The following TENT4B variants were observed in gnomAD, a reference collection of about 807,000 sequenced individuals.
TENT4B encodes the protein PAP associated domain containing 5.
In TENT4B, 10 loss-of-function variants were observed where a neutral mutation model predicts 75.0. That is an observed-to-expected ratio of 0.13 (90% CI 0.08 to 0.23). TENT4B has a LOEUF of 0.23. Among genes scored for constraint, TENT4B ranks in the 10% least tolerant of loss-of-function variants. The pLI is 1.00. For missense variants in TENT4B, 579 were observed against 893.8 expected (o/e 0.65, Z 4.49); for synonymous variants, 350 against 357.7 (o/e 0.98, Z 0.24).
chr16:50,170,221 A>G (rs2038179917), intron 1 of TENT4B, among the ~76,000 whole-genome samples: 2 of 151,384 alleles, frequency 1.3e-5, no homozygotes, highest in African/African-American at 2.4e-5. Context: ...GGGTTTCACT[A>G]TGTTGGCCAG....
intron 1 of TENT4B, among the ~76,000 whole-genome samples, chr16:50,165,033 GAC>G (rs2038072585): frequency 6.6e-6 from 1 of 150,602 alleles, no homozygotes; most frequent in Non-Finnish European, 1.5e-5. Context: ...CAGCCTGGGT[GAC>G]AGAGCGAGAC....
rs1164333016 is a variant in TENT4B at position 50,153,500 on chromosome 16, C to T, written c.-122C>T. The T allele has an allele frequency of 2.1e-6, 2 of 974,388 alleles. No individual in the cohort carries two copies. The highest frequency in any genetic ancestry group is 2.4e-6 in the Non-Finnish European group (2 of 824,328). 60.4% of individuals were successfully genotyped at this position (974,388 alleles called of 1,614,324 possible). A position where few individuals can be genotyped will look rare whatever the true frequency, so the allele number is the denominator to read the frequency against. The stretch of plus-strand genomic sequence containing the variant: ...CGCGGCGGGCCCCGAGCAGCAGCAG[C>T]AGCAGCAGCGGCAGCAGCGGCAGCA... On this transcript the variant is annotated 5_prime_UTR_variant, in exon 1 of 12. Transcript: ENST00000561678.
Position 50,229,133 on chromosome 16 carries a change from T to A in TENT4B, c.1966-19T>A. The A allele has an allele frequency of 6.2e-7, 1 of 1,610,956 alleles. No homozygotes were observed. The highest frequency in any genetic ancestry group is 8.5e-7 in the Non-Finnish European group (1 of 1,179,044). On this transcript the variant is annotated intron_variant, in intron 11 of 11. Coordinates refer to ENST00000561678, the MANE Select transcript of TENT4B (RefSeq NM_001365324.3). ...TTCTGCAATACTGATGTCTTTGTGGTCGTTTTCTGTTTCTGCAGCATGGAT... is the reference window on the plus strand; with the variant it reads ...TTCTGCAATACTGATGTCTTTGTGGACGTTTTCTGTTTCTGCAGCATGGAT...
In TENT4B at chr16:50,233,619, AAT is replaced by A. The variant is rs1436765798; in HGVS notation, c.*4294_*4295del. 2 of 983,830 alleles carry A rather than the reference AAT, an allele frequency of 2.0e-6. No homozygotes were observed. Among genetic ancestry groups the A allele is most frequent in the African/African-American group, 1.7e-5 (1 of 57,208 alleles). The allele number at this position is 983,830 out of a possible 1,614,324, so 60.9% of individuals were successfully genotyped here. A position where few individuals can be genotyped will look rare whatever the true frequency, so the allele number is the denominator to read the frequency against. On this transcript the variant is annotated 3_prime_UTR_variant, in exon 12 of 12. Coordinates refer to ENST00000561678, the MANE Select transcript of TENT4B (RefSeq NM_001365324.3). ...CTGATCTATTTGATACCTAGAATTA[AAT>A]ATTTGAGGACAGTTTTTAGTTAATA...
chr16:50,233,644 A>G lies in TENT4B; in HGVS notation c.*4316A>G. Reference sequence around the variant, plus strand: ...AATATTTGAGGACAGTTTTTAGTTAATAAACTGCTAATGTTTATTTTACTG... The same window carrying G: ...AATATTTGAGGACAGTTTTTAGTTAGTAAACTGCTAATGTTTATTTTACTG... On this transcript the variant is annotated 3_prime_UTR_variant, in exon 12 of 12. Transcript: ENST00000561678. 1.0e-6 allele frequency: 1 copy of G among 983,996 alleles called. No individual in the cohort carries two copies. The highest frequency in any genetic ancestry group is 4.7e-5 in the South Asian group (1 of 21,272). 61.0% of individuals were successfully genotyped at this position (983,996 alleles called of 1,614,324 possible).
chr16:50,199,567 T>A (rs1205916934), intron 1 of TENT4B, among the ~76,000 whole-genome samples: 3 of 152,226 alleles, frequency 2.0e-5, no homozygotes, highest in Non-Finnish European at 4.4e-5. Context: ...CTGATCTGTT[T>A]ACTGTCTCCA....
intron 1 of TENT4B, among the ~76,000 whole-genome samples, chr16:50,180,814 G>C (rs1019724157): frequency 6.6e-6 from 1 of 152,122 alleles, no homozygotes; most frequent in African/African-American, 2.4e-5. Flanking sequence ...AATCCCTCAA[G>C]AAGGGGCAGT....
chr16:50,153,243 G>A (rs1351292563), upstream of TENT4B, among the ~76,000 whole-genome samples: 2 of 145,370 alleles, frequency 1.4e-5, no homozygotes, highest in Non-Finnish European at 3.1e-5. Context: ...CGGGGCCGGA[G>A]GAGCGAGGAC....
At chr16:50,189,112 A>G (rs1173407188) in intron 1 of TENT4B, among the ~76,000 whole-genome samples, 1 of 152,188 alleles carries the variant, frequency 6.6e-6, no homozygotes, top group South Asian at 2.1e-4. Context: ...TATTGCTTGT[A>G]GGAAGGCTGT....
intron 1 of TENT4B, among the ~76,000 whole-genome samples, chr16:50,190,105 A>G (rs2038612779): frequency 6.6e-6 from 1 of 151,318 alleles, no homozygotes; most frequent in South Asian, 2.1e-4. Context: ...AAAGAAAAGA[A>G]AAGAAAGAAA....
At position 50,153,394 on chromosome 16, in the gene TENT4B, G is replaced by T. The variant is rs920528872; in HGVS notation, c.-228G>T. ...GCGGAGGGGCGGAGGGGCGGAGGGA[G>T]GGGGGGAGGGCCCGCGGAGCCCCCG... On this transcript the variant is annotated 5_prime_UTR_variant, in exon 1 of 12. The change creates a new upstream start codon in the 5' untranslated region. Coordinates refer to ENST00000561678, the MANE Select transcript of TENT4B (RefSeq NM_001365324.3). 6.8e-6 allele frequency among the ~76,000 whole-genome samples: 1 copy of T among 146,116 alleles called. No individual in the cohort carries two copies. Among genetic ancestry groups the T allele is most frequent in the Non-Finnish European group, 1.5e-5 (1 of 65,610 alleles).
intron 1 of TENT4B, among the ~76,000 whole-genome samples, chr16:50,183,854 G>A (rs1326928523): frequency 1.3e-5 from 2 of 152,094 alleles, no homozygotes; most frequent in Non-Finnish European, 2.9e-5. Flanking sequence ...AGACCAGCCT[G>A]GCCAACATGG....
chr16:50,190,895 G>A (rs904423710), intron 1 of TENT4B, among the ~76,000 whole-genome samples: 2 of 151,874 alleles, frequency 1.3e-5, no homozygotes, highest in Non-Finnish European at 2.9e-5. Context: ...GGCAGCCACC[G>A]TTCTACATTT....
At chr16:50,218,041 G>A (rs1223645902) in intron 5 of TENT4B, among the ~76,000 whole-genome samples, 1 of 151,776 alleles carries the variant, frequency 6.6e-6, no homozygotes, top group African/African-American at 2.4e-5. Flanking sequence ...ACAGGCATGA[G>A]CCACCATGCT....
chr16:50,153,062 A>C, upstream of TENT4B: 2 of 1,463,336 alleles, frequency 1.4e-6, no homozygotes, highest in Non-Finnish European at 9.0e-7. Context: ...AGATGGCGCA[A>C]GTACGGTTGG....
intron 2 of TENT4B, among the ~76,000 whole-genome samples, chr16:50,212,486 C>T (rs1455923506): frequency 2.0e-5 from 3 of 152,168 alleles, no homozygotes; most frequent in African/African-American, 7.2e-5. Context: ...TGTAGCTTTT[C>T]TTCAGGCACT....
Position 50,232,274 on chromosome 16 carries a change from G to A in TENT4B, c.*2946G>A. The A allele has an allele frequency of 1.0e-6, 1 of 985,356 alleles. No homozygotes were observed. The highest frequency in any genetic ancestry group is 1.2e-6 in the Non-Finnish European group (1 of 829,902). The allele number at this position is 985,356 out of a possible 1,614,324, so 61.0% of individuals were successfully genotyped here. A position where few individuals can be genotyped will look rare whatever the true frequency, so the allele number is the denominator to read the frequency against. On this transcript the variant is annotated 3_prime_UTR_variant, in exon 12 of 12. Transcript: ENST00000561678. ...CGCACTCAGTTTTCAAATCTAGCTT[G>A]GATCTGTAGGACCTATGTTTTTTAC... is the stretch of plus-strand genomic sequence containing the variant.
Position 50,229,856 on chromosome 16 carries a change from A to G in TENT4B, c.*528A>G. 1 of 902,818 alleles carries G rather than the reference A, an allele frequency of 1.1e-6. No individual in the cohort carries two copies. The highest frequency in any genetic ancestry group is 1.3e-6 in the Non-Finnish European group (1 of 754,678). 55.9% of individuals were successfully genotyped at this position (902,818 alleles called of 1,614,324 possible). The stretch of plus-strand genomic sequence containing the variant: ...ATATAGAAGACCATATAGGAGATTG[A>G]TATTTGTAATAGTGGATTTGTTAAT... On this transcript the variant is annotated 3_prime_UTR_variant, in exon 12 of 12. Transcript: ENST00000561678.
chr16:50,166,090 T>G (rs2150675335), intron 1 of TENT4B, among the ~76,000 whole-genome samples: 3 of 151,400 alleles, frequency 2.0e-5, no homozygotes, highest in Middle Eastern at 6.8e-3. Context: ...CTTTTTTTTT[T>G]TTTTTTTTTT....
Sources: allele counts gnomAD v4.1 joint callset (sites outside exome capture counted in the v4.1 genomes callset), GRCh38; gene constraint gnomAD v4.1.1; transcripts MANE v1.5; gene names NCBI Gene and HGNC (gene_info 2026-07-23, HGNC 2026-07-21).